MTUS2: variants seen among roughly 807,000 people sequenced by gnomAD.
MTUS2 encodes microtubule-associated tumor suppressor candidate 2.
A neutral mutation model predicts 114.1 loss-of-function variants in MTUS2; 40 were observed. The ratio of observed to expected loss-of-function variants is 0.35; its 90% confidence interval spans 0.27 to 0.46. The LOEUF (loss-of-function observed/expected upper bound fraction) is 0.46, where lower values mean the gene tolerates loss of function less well. Ranked by LOEUF, MTUS2 falls within the 20% of genes least tolerant of loss-of-function variation. The pLI is 1.00. For synonymous variants in MTUS2, 688 were observed against 672.0 expected (o/e 1.02, Z -0.37); for missense variants, 1,679 against 1,705.4 (o/e 0.98, Z 0.27).
intron 5 of MTUS2, among the ~76,000 whole-genome samples, chr13:29,107,580 A>G (rs977958160): frequency 6.6e-6 from 1 of 152,346 alleles, no homozygotes; most frequent in East Asian, 1.9e-4. Flanking sequence ...TAATTTACAT[A>G]AGCCAAAGAG....
intron 5 of MTUS2, among the ~76,000 whole-genome samples, chr13:29,157,073 A>G (rs954576193): frequency 3.9e-5 from 6 of 152,168 alleles, no homozygotes; most frequent in African/African-American, 1.4e-4. Context: ...GCTCTTATTC[A>G]TTCATTTTTA....
intron 2 of MTUS2, among the ~76,000 whole-genome samples, chr13:28,841,970 C>T (rs1332228465): frequency 1.3e-5 from 2 of 152,190 alleles, no homozygotes; most frequent in African/African-American, 4.8e-5. Context: ...CAGGCGTGAG[C>T]CACCGCGCCC....
intron 6 of MTUS2, among the ~76,000 whole-genome samples, chr13:29,298,562 A>G (rs1340924656): frequency 6.6e-6 from 1 of 152,142 alleles, no homozygotes; most frequent in African/African-American, 2.4e-5. Context: ...GCCTTCGTCC[A>G]GTCCTCTCAA....
intron 2 of MTUS2, among the ~76,000 whole-genome samples, chr13:28,998,838 T>G (rs927087329): frequency 2.0e-5 from 3 of 151,860 alleles, no homozygotes; most frequent in African/African-American, 4.8e-5. Context: ...TGGTTCGAAC[T>G]TCCTCCTTTA....
chr13:29,103,327 C>A (rs1463288736), intron 5 of MTUS2, among the ~76,000 whole-genome samples: 1 of 152,152 alleles, frequency 6.6e-6, no homozygotes. Context: ...CACACCTAGG[C>A]AATATGGTAT....
intron 9 of MTUS2, among the ~76,000 whole-genome samples, chr13:29,478,240 C>T (rs562814477): frequency 5.9e-5 from 9 of 152,282 alleles, no homozygotes; most frequent in African/African-American, 2.2e-4. Flanking sequence ...CGGAGTAACT[C>T]GTGAAACTGA....
chr13:28,919,494 T>G (rs1593299950), intron 2 of MTUS2, among the ~76,000 whole-genome samples: 1 of 152,118 alleles, frequency 6.6e-6, no homozygotes, highest in African/African-American at 2.4e-5. Context: ...CTTTTAGGAT[T>G]TTTTTCTTTA....
At chr13:28,852,149 C>T (rs1163134298) in intron 2 of MTUS2, among the ~76,000 whole-genome samples, 1 of 152,148 alleles carries the variant, frequency 6.6e-6, no homozygotes, top group East Asian at 1.9e-4. Flanking sequence ...TGGCTCTTCT[C>T]CACCTGCTCA....
chr13:29,072,846 A>C (rs1889005456), intron 4 of MTUS2, among the ~76,000 whole-genome samples: 1 of 152,238 alleles, frequency 6.6e-6, no homozygotes, highest in Admixed American at 6.5e-5. Context: ...TATTAGTACA[A>C]GGTCACTCAG....
At chr13:28,949,442 A>G (rs1882700843) in intron 2 of MTUS2, among the ~76,000 whole-genome samples, 1 of 152,202 alleles carries the variant, frequency 6.6e-6, no homozygotes, top group Admixed American at 6.5e-5. Flanking sequence ...CAATTCTCAT[A>G]ATGTTTTGAA....
At position 29,109,933 on chromosome 13, in the gene MTUS2, G is replaced by C. The variant is rs1402116152; in HGVS notation, c.2644+8963G>C. Reference sequence around the variant, plus strand: ...ATATATGGTGAATAACCTTCTGAGTGAGTGTTAAGCTAAAAACATATCGTT... The same window carrying C: ...ATATATGGTGAATAACCTTCTGAGTCAGTGTTAAGCTAAAAACATATCGTT... On this transcript the variant is annotated intron_variant, in intron 5 of 15. Coordinates refer to ENST00000612955, the MANE Select transcript of MTUS2 (RefSeq NM_001033602.4). Among the ~76,000 whole-genome samples the C allele has an allele frequency of 2.0e-5, 3 of 152,332 alleles. No individual in the cohort carries two copies. The East Asian group carries it at 5.8e-4, about 29-fold the overall frequency.
At position 29,248,093 on chromosome 13, in the gene MTUS2, C is replaced by T. The variant is rs562353179; in HGVS notation, c.2645-33611C>T. ...TAAAAAGGAATGAAATAATGGCATT[C>T]GCAACAACCTGGATGGAACTGGAGA... On this transcript the variant is annotated intron_variant, in intron 5 of 15. Coordinates refer to ENST00000612955, the MANE Select transcript of MTUS2 (RefSeq NM_001033602.4). 3.9e-5 allele frequency among the ~76,000 whole-genome samples: 6 copies of T among 152,322 alleles called. No individual in the cohort carries two copies. The East Asian group carries it at 5.8e-4, about 15-fold the overall frequency.
Position 28,983,133 on chromosome 13 carries a change from G to C in MTUS2, c.-242-41324G>C, listed in dbSNP as rs371887452. Among the ~76,000 whole-genome samples the C allele has an allele frequency of 9.8e-5, 15 of 152,306 alleles. No individual in the cohort carries two copies. The East Asian group carries it at 2.9e-3, about 29-fold the overall frequency. The stretch of plus-strand genomic sequence containing the variant: ...TTACCTGCAAATCCGAGGCAGGGTG[G>C]CTGTCATCTCCTTCAGGTGAGTGTG... On this transcript the variant is annotated intron_variant, in intron 2 of 15. Transcript: ENST00000612955.
At chr13:29,140,815 A>G (rs1242874017) in intron 5 of MTUS2, among the ~76,000 whole-genome samples, 3 of 152,196 alleles carry the variant, frequency 2.0e-5, no homozygotes, top group African/African-American at 7.2e-5. Context: ...GGAAGTAGGC[A>G]TATGCAAATG....
chr13:29,133,576 C>A (rs1891854487), intron 5 of MTUS2, among the ~76,000 whole-genome samples: 1 of 152,154 alleles, frequency 6.6e-6, no homozygotes, highest in African/African-American at 2.4e-5. Context: ...ATGGAAATAT[C>A]CAGTTTTCGA....
chr13:29,332,372 G>T (rs1257878636), intron 7 of MTUS2, among the ~76,000 whole-genome samples: 2 of 152,052 alleles, frequency 1.3e-5, no homozygotes, highest in Admixed American at 1.3e-4. Flanking sequence ...ATTCTCGGAT[G>T]GTAGTTTGTA....
At chr13:29,189,049 C>T (rs569950108) in intron 5 of MTUS2, among the ~76,000 whole-genome samples, 123 of 152,268 alleles carry the variant, frequency 8.1e-4, no homozygotes, top group African/African-American at 2.0e-3. Context: ...AGTAGATCAG[C>T]GGTGACCCTG....
chr13:28,836,375 C>T (rs192907823), intron 1 of MTUS2, among the ~76,000 whole-genome samples: 2 of 152,286 alleles, frequency 1.3e-5, no homozygotes, highest in African/African-American at 2.4e-5. Context: ...AGAGACACAG[C>T]ATGGTATACT....
intron 9 of MTUS2, among the ~76,000 whole-genome samples, chr13:29,456,363 A>G (rs1443274775): frequency 6.6e-6 from 1 of 152,246 alleles, no homozygotes. Flanking sequence ...CTGTGGGACT[A>G]TAGCAACCAG....
Sources: allele counts gnomAD v4.1 joint callset (sites outside exome capture counted in the v4.1 genomes callset), GRCh38; gene constraint gnomAD v4.1.1; transcripts MANE v1.5; gene names NCBI Gene and HGNC (gene_info 2026-07-23, HGNC 2026-07-21).